The following MEI1 variants were observed in gnomAD, a reference collection of about 807,000 sequenced individuals.
The protein encoded by MEI1 is meiosis inhibitor protein 1.
In MEI1, 103 loss-of-function variants were observed where a neutral mutation model predicts 146.2. That is an observed-to-expected ratio of 0.70 (90% CI 0.60 to 0.83). The LOEUF is 0.83. Ranked by LOEUF, MEI1 falls within the 40% of genes least tolerant of loss-of-function variation. MEI1 has a pLI of 0.00. For missense variants in MEI1, 1,529 were observed against 1,533.0 expected (o/e 1.00, Z 0.04); for synonymous variants, 652 against 628.2 (o/e 1.04, Z -0.57).
At chr22:41,752,776 C>T in intron 16 of MEI1, 125 bp downstream of exon 16, 1 of 797,294 alleles carries the variant, frequency 1.3e-6, no homozygotes, top group Non-Finnish European at 2.2e-6. Context: ...ATAGTGTCAG[C>T]ATTGCTCAGC....
chr22:41,779,367 A>T (rs2075634684), intron 22 of MEI1, among the ~76,000 whole-genome samples: 2 of 151,958 alleles, frequency 1.3e-5, no homozygotes, highest in African/African-American at 4.8e-5. Context: ...AGGCGGGAGG[A>T]TTGCTTGAGC....
At position 41,715,945 on chromosome 22, in the gene MEI1, C is replaced by T. The variant is rs2070107221; in HGVS notation, c.424-96C>T. 4 of 832,660 alleles carry T rather than the reference C, an allele frequency of 4.8e-6. No individual in the cohort carries two copies. The South Asian group carries it at 6.6e-5, about 14-fold the overall frequency. The allele number at this position is 832,660 out of a possible 1,614,324, so 51.6% of individuals were successfully genotyped here. ...TGCTGACTGTGGTGAGAGACACATGCAATACAGGCATTGGTGTGGGTAGGG... is the reference window on the plus strand; with the variant it reads ...TGCTGACTGTGGTGAGAGACACATGTAATACAGGCATTGGTGTGGGTAGGG... On this transcript the variant is annotated intron_variant, in intron 4 of 30. Transcript: ENST00000401548.
chr22:41,795,503 G>A lies in MEI1; in HGVS notation c.3627G>A (p.Ser1209=), dbSNP rs147958692. 1.6e-4 allele frequency: 257 copies of A among 1,613,614 alleles called. No individual in the cohort carries two copies. In the East Asian group the frequency reaches 5.3e-3, roughly 33 times the overall value. Reference sequence around the variant, plus strand: ...CTTTGGCTGACCTGTCTACCCTCTCGAACACCACACTCCAGGCCCTGCATG... The same window carrying A: ...CTTTGGCTGACCTGTCTACCCTCTCAAACACCACACTCCAGGCCCTGCATG... The part of the protein sequence containing the change: ...GVALADLSTL[S]NTTLQALHGF... The change falls in exon 29 of 31, where the codon TCG becomes TCA. Residue 1209 remains serine (S), a synonymous_variant. Coordinates refer to ENST00000401548, the MANE Select transcript of MEI1 (RefSeq NM_152513.4). This position sits in a 1 kb window ranked among gnomAD's most constrained non-coding sequence, Gnocchi z 4.2.
intron 6 of MEI1, chr22:41,721,972 G>C (rs866739157): frequency 1.3e-5 from 2 of 150,972 alleles, no homozygotes; most frequent in Non-Finnish European, 2.9e-5. Flanking sequence ...GCCTGCCTCG[G>C]CCTCCCAAAG....
intron 7 of MEI1, among the ~76,000 whole-genome samples, 176 bp from the exon 8 acceptor site, chr22:41,729,489 G>A (rs975282523): frequency 8.5e-5 from 13 of 152,140 alleles, no homozygotes; most frequent in Non-Finnish European, 1.0e-4. Flanking sequence ...TGCTGTTCAC[G>A]GAGACCCCTT....
intron 19 of MEI1, among the ~76,000 whole-genome samples, chr22:41,769,355 T>C (rs1270472342): frequency 1.3e-5 from 2 of 152,136 alleles, no homozygotes; most frequent in Non-Finnish European, 2.9e-5. Flanking sequence ...CAACTAGATA[T>C]ACACATGCAA....
intron 26 of MEI1, among the ~76,000 whole-genome samples, chr22:41,793,430 T>C (rs960244360): frequency 6.6e-6 from 1 of 152,178 alleles, no homozygotes; most frequent in South Asian, 2.1e-4. Flanking sequence ...ACCTCCTCAG[T>C]AGCTGGGACT....
intron 24 of MEI1, among the ~76,000 whole-genome samples, chr22:41,782,327 G>A (rs919066278): frequency 2.6e-5 from 4 of 152,160 alleles, no homozygotes; most frequent in South Asian, 2.1e-4. Flanking sequence ...AAGACCAGAC[G>A]GGGAGGCAGA....
In MEI1 at chr22:41,762,549, GAT is replaced by G. The variant is rs1491459231; in HGVS notation, c.2121-624_2121-623del. On this transcript the variant is annotated intron_variant, in intron 18 of 30. Transcript: ENST00000401548. ...GTCTACACAACCAGCTAATTTAACT[GAT>G]TTTTTTTTTTTTTTTTGTAGAGAAG... Among the ~76,000 whole-genome samples, 24 of 128,772 alleles carry G rather than the reference GAT, an allele frequency of 1.9e-4. 3 individuals carry two copies. Among genetic ancestry groups the G allele is most frequent in the Non-Finnish European group, 2.5e-4 (15 of 60,810 alleles). 84.5% of individuals were successfully genotyped at this position (128,772 alleles called of 152,430 possible).
rs1465976469 is a variant in MEI1 at position 41,784,765 on chromosome 22, G to A, written c.3327G>A (p.Leu1109=). The change falls in exon 26 of 31, where the codon CTG becomes CTA. Residue 1109 remains leucine, a synonymous_variant. Coordinates refer to ENST00000401548, the MANE Select transcript of MEI1 (RefSeq NM_152513.4). ...AAGTCCGGTCCCTGGTCATTGGGCT[G>A]CAGAACCTCCTGGTGCAGGTAAGGC... is the stretch of plus-strand genomic sequence containing the variant. The part of the protein sequence containing the change: ...MSQVRSLVIG[L]QNLLVQKDPL... 2 of 1,609,486 alleles carry A rather than the reference G, an allele frequency of 1.2e-6. No homozygotes were observed. The highest frequency in any genetic ancestry group is 1.7e-6 in the Non-Finnish European group (2 of 1,177,702).
At chr22:41,720,637 C>T (rs1232241422) in intron 6 of MEI1, among the ~76,000 whole-genome samples, 1 of 150,492 alleles carries the variant, frequency 6.6e-6, no homozygotes, top group Non-Finnish European at 1.5e-5. Context: ...GCACAGTTGC[C>T]CAGGCTGGAG....
At chr22:41,776,926 G>GCCTCAGCC in intron 21 of MEI1, among the ~76,000 whole-genome samples, 1 of 152,064 alleles carries the variant, frequency 6.6e-6, no homozygotes, top group South Asian at 2.1e-4. Context: ...CAATTCTTGT[G>GCCTCAGCC]CCTCAGCCTC....
At chr22:41,730,042 A>G (rs553019658) in intron 8 of MEI1, among the ~76,000 whole-genome samples, 8 of 152,344 alleles carry the variant, frequency 5.3e-5, no homozygotes, top group Admixed American at 3.9e-4. Context: ...AGGGACTATT[A>G]TGAGCAGGGA....
intron 3 of MEI1, among the ~76,000 whole-genome samples, chr22:41,712,204 C>CACAAAAAAAAAAA (rs2069632368): frequency 1.9e-5 from 1 of 53,664 alleles, no homozygotes; most frequent in Non-Finnish European, 3.1e-5. Context: ...AACTCCGGCT[C>CACAAAAAAAAAAA]AAAAAAAAAA....
intron 20 of MEI1, 51 bp downstream of exon 20, chr22:41,771,012 C>G (rs372953481): frequency 1.9e-6 from 3 of 1,579,064 alleles, no homozygotes; most frequent in Admixed American, 1.7e-5. Flanking sequence ...GGCCTTCTCT[C>G]TCTGAGAGCC....
rs770450159 is a variant in MEI1, at chr22:41,793,163, A to C, written c.3346-666A>C. On this transcript the variant is annotated intron_variant, in intron 26 of 30. Transcript: ENST00000401548. ...AGCAATTATCTGCCTCAGCCGCCCA[A>C]GTAGCTGGGATTACAGGCGCCCACC... 2.1e-5 allele frequency among the ~76,000 whole-genome samples: 3 copies of C among 146,240 alleles called. No individual in the cohort carries two copies. In the East Asian group the frequency reaches 6.2e-4, roughly 30 times the overall value.
At position 41,793,806 on chromosome 22, in the gene MEI1, ATTTTT is replaced by A; in HGVS notation, c.3346-11_3346-7del. Reference sequence around the variant, plus strand: ...GCCATTGGTAGCAAAACCTGACCTGATTTTTTTTTTTTTTTTCTGCAGAAGGACCC... The same window carrying A: ...GCCATTGGTAGCAAAACCTGACCTGATTTTTTTTTTTCTGCAGAAGGACCC... On this transcript the variant is annotated intron_variant, in intron 26 of 30. Transcript: ENST00000401548. The A allele has an allele frequency of 2.9e-6, 4 of 1,401,222 alleles. No homozygotes were observed. Among genetic ancestry groups the A allele is most frequent in the Non-Finnish European group, 3.8e-6 (4 of 1,043,016 alleles). 86.8% of individuals were successfully genotyped at this position (1,401,222 alleles called of 1,614,324 possible). A position where few individuals can be genotyped will look rare whatever the true frequency, so the allele number is the denominator to read the frequency against.
At chr22:41,722,485 T>C (rs917347387) in intron 6 of MEI1, among the ~76,000 whole-genome samples, 39 of 149,582 alleles carry the variant, frequency 2.6e-4, no homozygotes, top group African/African-American at 9.6e-4. Context: ...TTTTTTTTTT[T>C]TTTGTAGAGA....
At chr22:41,784,510 A>T in intron 25 of MEI1, 90 bp downstream of exon 25, 1 of 1,594,492 alleles carries the variant, frequency 6.3e-7, no homozygotes, top group Non-Finnish European at 8.6e-7. Context: ...TGGTCACTCC[A>T]TAATTGTCTC....
Sources: gnomAD v4.1 joint callset for allele counts (sites outside exome capture counted in the v4.1 genomes callset) on GRCh38, gnomAD v4.1.1 for gene constraint, Gnocchi (gnomAD v3.1) non-coding constraint, MANE v1.5 for transcripts, NCBI Gene and HGNC (gene_info 2026-07-23, HGNC 2026-07-21) for gene names.